KIF16B: variants seen among roughly 807,000 people sequenced by gnomAD.
KIF16B encodes the protein kinesin-like protein KIF16B.
In KIF16B, 98 loss-of-function variants were observed where a neutral mutation model predicts 156.3. The ratio of observed to expected loss-of-function variants is 0.63; its 90% confidence interval spans 0.53 to 0.74. The LOEUF (loss-of-function observed/expected upper bound fraction) is 0.74. Ranked by LOEUF, KIF16B falls within the 30% of genes least tolerant of loss-of-function variation. The probability of loss-of-function intolerance (pLI) is 0.00; values close to 1 mark genes in which losing one functional copy is unlikely to be tolerated. For synonymous variants in KIF16B, 564 were observed against 583.7 expected, an observed-to-expected ratio of 0.97 and a Z score of 0.49; for missense variants, 1,421 against 1,606.5, an observed-to-expected ratio of 0.88 and a Z score of 1.97.
chr20:16,500,813 T>C (rs894453739), intron 10 of KIF16B, among the ~76,000 whole-genome samples: 3 of 152,188 alleles, frequency 2.0e-5, no homozygotes, highest in Admixed American at 6.5e-5. Flanking sequence ...ACTTTTATTA[T>C]TTAAAATTTA....
At chr20:16,396,303 T>C (rs895368614) in intron 17 of KIF16B, among the ~76,000 whole-genome samples, 6 of 152,124 alleles carry the variant, frequency 3.9e-5, no homozygotes, top group African/African-American at 1.4e-4. Flanking sequence ...CCTCTGTCCC[T>C]GTCTCTGAAA....
chr20:16,273,305 G>T lies in KIF16B; in HGVS notation c.3902C>A (p.Ser1301Ter). ...AAAGACTCCTTTCTTGAAGAATGGTGAAAACTCACAAATGGTATGTTTCGA... is the reference window on the plus strand; with the variant it reads ...AAAGACTCCTTTCTTGAAGAATGGTTAAAACTCACAAATGGTATGTTTCGA... ...TLSKHTICEF[S>*]PFFKKGVFDY... The change falls in exon 26 of 26, where the codon TCA (serine) becomes TAA (stop). Residue 1301 changes from serine (S) to a stop codon, truncating the protein, a stop_gained. Transcript: ENST00000354981. LOFTEE classifies it high-confidence loss of function. 1 of 1,613,996 alleles carries T rather than the reference G, an allele frequency of 6.2e-7. No individual in the cohort carries two copies. Among genetic ancestry groups the T allele is most frequent in the East Asian group, 2.2e-5 (1 of 44,870 alleles).
intron 14 of KIF16B, among the ~76,000 whole-genome samples, 156 bp from the exon 15 acceptor site, chr20:16,427,397 C>T (rs11907369): frequency 0.021 from 3,187 of 152,116 alleles, 107 homozygotes; most frequent in African/African-American, 0.073. Context: ...GTGAGAAAAC[C>T]GAACTTCAGG....
At chr20:16,361,611 C>A (rs1000610602) in intron 22 of KIF16B, among the ~76,000 whole-genome samples, 3 of 152,174 alleles carry the variant, frequency 2.0e-5, no homozygotes, top group East Asian at 3.8e-4. Flanking sequence ...AGAAACAGTG[C>A]TAACCTTATC....
In KIF16B at chr20:16,494,281, T is replaced by C. The variant is rs372880646; in HGVS notation, c.1302+10A>G. ...CATAGTAAGACTAAACACATTTTTC[T>C]AGTCCTTACTTTCAAAATATTTTGG... On this transcript the variant is annotated intron_variant, in intron 12 of 25. Transcript: ENST00000354981. 1.3e-6 allele frequency: 2 copies of C among 1,556,630 alleles called. No homozygotes were observed. The highest frequency in any genetic ancestry group is 1.8e-6 in the Non-Finnish European group (2 of 1,135,036).
intron 12 of KIF16B, among the ~76,000 whole-genome samples, chr20:16,432,841 G>A (rs1374671169): frequency 6.6e-6 from 1 of 152,158 alleles, no homozygotes; most frequent in African/African-American, 2.4e-5. Context: ...CAGAGAAAAT[G>A]ACCAATGCAT....
chr20:16,300,250 T>G (rs1384226643), intron 25 of KIF16B, among the ~76,000 whole-genome samples: 5 of 152,168 alleles, frequency 3.3e-5, no homozygotes, highest in Admixed American at 3.3e-4. Flanking sequence ...ATAAATATGG[T>G]GCTTGATAAA....
chr20:16,297,524 A>G lies in KIF16B; in HGVS notation c.3795+14811T>C, dbSNP rs573458560. 3.5e-3 allele frequency among the ~76,000 whole-genome samples: 524 copies of G among 151,836 alleles called. 5 individuals are homozygous for G. The highest frequency in any genetic ancestry group is 5.2e-3 in the South Asian group (25 of 4,804). On this transcript the variant is annotated intron_variant, in intron 25 of 25. Coordinates refer to ENST00000354981, the MANE Select transcript of KIF16B (RefSeq NM_024704.5). ...TGGCTGGCTAACACGGTGAAACCCT[A>G]TCTCTACTAAAAATGCAAAAAATTA...
intron 23 of KIF16B, among the ~76,000 whole-genome samples, chr20:16,353,134 G>A (rs1026602878): frequency 4.6e-5 from 7 of 152,162 alleles, no homozygotes; most frequent in Non-Finnish European, 1.0e-4. Context: ...TAAAACTGAA[G>A]AGAATAGTCT....
intron 1 of KIF16B, among the ~76,000 whole-genome samples, chr20:16,539,518 C>T (rs1600658261): frequency 6.6e-6 from 1 of 152,080 alleles, no homozygotes; most frequent in African/African-American, 2.4e-5. Context: ...AGTAACTTCT[C>T]GTGAGATCTG....
At position 16,380,115 on chromosome 20, in the gene KIF16B, T is replaced by A; in HGVS notation, c.1887A>T (p.Glu629Asp). The A allele has an allele frequency of 6.6e-7, 1 of 1,520,942 alleles. No individual in the cohort carries two copies. The highest frequency in any genetic ancestry group is 1.4e-5 in the South Asian group (1 of 73,318). The allele number at this position is 1,520,942 out of a possible 1,614,324, so 94.2% of individuals were successfully genotyped here. ...CCACCTCCTGCTGCATCCGCTCCAG[T>A]TCAGCCTTGTCTGATTTCTGCTTTT... ...MEEKQKSDKA[E>D]LERMQQEVET... The change falls in exon 19 of 26, where the codon GAA (glutamate) becomes GAT (aspartate). Residue 629 changes from glutamate to aspartate, a missense_variant. Physicochemically the swap from Glu to Asp is conservative, Grantham distance 45. Coordinates refer to ENST00000354981, the MANE Select transcript of KIF16B (RefSeq NM_024704.5).
chr20:16,450,793 C>A (rs2067059565), intron 12 of KIF16B, among the ~76,000 whole-genome samples: 1 of 152,144 alleles, frequency 6.6e-6, no homozygotes, highest in Admixed American at 6.5e-5. Flanking sequence ...CAAGAGGAAA[C>A]AAACAGAGTC....
chr20:16,539,200 G>C (rs1285854953), intron 1 of KIF16B, among the ~76,000 whole-genome samples: 3 of 152,080 alleles, frequency 2.0e-5, no homozygotes, highest in African/African-American at 7.2e-5. Context: ...CTTTGCAACT[G>C]GGTAACAAGC....
intron 12 of KIF16B, among the ~76,000 whole-genome samples, chr20:16,438,949 CA>C (rs1043225525): frequency 6.6e-6 from 1 of 151,860 alleles, no homozygotes; most frequent in African/African-American, 2.4e-5. Flanking sequence ...AAAAATAAAA[CA>C]AAACAAAAAC....
At chr20:16,348,012 A>G (rs977942595) in intron 23 of KIF16B, among the ~76,000 whole-genome samples, 1 of 152,114 alleles carries the variant, frequency 6.6e-6, no homozygotes, top group African/African-American at 2.4e-5. Context: ...CCAAACTGCA[A>G]TTTTTCTAGG....
intron 17 of KIF16B, among the ~76,000 whole-genome samples, chr20:16,401,753 TGGGA>T (rs2065661768): frequency 6.6e-6 from 1 of 152,184 alleles, no homozygotes; most frequent in Non-Finnish European, 1.5e-5. Context: ...ACCTGAATCC[TGGGA>T]GTTACTCTTA....
intron 22 of KIF16B, chr20:16,367,862 T>C: frequency 6.3e-7 from 1 of 1,576,308 alleles, no homozygotes; most frequent in South Asian, 1.2e-5. Context: ...CTGAATACAG[T>C]GAGCAGAAGA....
chr20:16,329,695 C>A (rs2063915897), intron 24 of KIF16B, among the ~76,000 whole-genome samples: 1 of 151,922 alleles, frequency 6.6e-6, no homozygotes, highest in Non-Finnish European at 1.5e-5. Context: ...AAATGAATGC[C>A]AGAAGGAGCT....
chr20:16,280,192 T>G (rs1483826180), intron 25 of KIF16B, among the ~76,000 whole-genome samples: 2 of 152,174 alleles, frequency 1.3e-5, no homozygotes, highest in African/African-American at 2.4e-5. Flanking sequence ...CTGTAAATCT[T>G]TTGGGTGAAA....
Sources: gnomAD v4.1 joint callset for allele counts (sites outside exome capture counted in the v4.1 genomes callset) on GRCh38, gnomAD v4.1.1 for gene constraint, MANE v1.5 for transcripts, NCBI Gene and HGNC (gene_info 2026-07-23, HGNC 2026-07-21) for gene names.